Variants in CHRNA7 observed in about 807,000 individuals in gnomAD.
The protein encoded by CHRNA7 is neuronal acetylcholine receptor subunit alpha-7.
A neutral mutation model predicts 48.0 loss-of-function variants in CHRNA7; 17 were observed. The observed-to-expected ratio is 0.35, with a 90% CI of 0.24 to 0.53. The LOEUF is 0.53. Among genes scored for constraint, CHRNA7 ranks in the 20% least tolerant of loss-of-function variants. The pLI is 0.92. For missense variants in CHRNA7, 155 were observed against 577.7 expected, an observed-to-expected ratio of 0.27 and a Z score of 7.50; for synonymous variants, 75 against 242.3, an observed-to-expected ratio of 0.31 and a Z score of 6.41.
At chr15:32,037,054 T>C (rs957938659) in intron 2 of CHRNA7, among the ~76,000 whole-genome samples, 13 of 152,218 alleles carry the variant, frequency 8.5e-5, no homozygotes, top group African/African-American at 3.1e-4. Flanking sequence ...AGGAGTTTTA[T>C]AGTTTTGCAC....
At chr15:32,077,855 T>G (rs1346130573) in intron 2 of CHRNA7, among the ~76,000 whole-genome samples, 1 of 152,126 alleles carries the variant, frequency 6.6e-6, no homozygotes, top group Admixed American at 6.5e-5. Context: ...CAGGCTCTTT[T>G]TAACAACTAG....
intron 3 of CHRNA7, among the ~76,000 whole-genome samples, chr15:32,106,190 A>AG (rs1322790242): frequency 6.6e-6 from 1 of 151,224 alleles, no homozygotes; most frequent in Non-Finnish European, 1.5e-5. Flanking sequence ...CAGGGTTCTG[A>AG]GGGGGGTGCA....
chr15:32,115,514 A>G (rs1206007181), intron 4 of CHRNA7, among the ~76,000 whole-genome samples: 2 of 151,080 alleles, frequency 1.3e-5, no homozygotes, highest in African/African-American at 4.9e-5. Flanking sequence ...AGCCTCGTCC[A>G]CTCTCCAGCC....
intron 4 of CHRNA7, among the ~76,000 whole-genome samples, chr15:32,122,638 T>C (rs1452170640): frequency 6.6e-6 from 1 of 152,174 alleles, no homozygotes; most frequent in East Asian, 1.9e-4. Flanking sequence ...AAAATGTTTG[T>C]GTATGCTATG....
intron 4 of CHRNA7, among the ~76,000 whole-genome samples, chr15:32,151,396 G>A (rs769116914): frequency 6.6e-6 from 1 of 152,116 alleles, no homozygotes; most frequent in Non-Finnish European, 1.5e-5. Context: ...TTCCAAAGCT[G>A]ACCAAGGAAA....
At position 32,134,162 on chromosome 15, in the gene CHRNA7, G is replaced by GT. The variant is rs1184841111; in HGVS notation, c.351-19733dup. Among the ~76,000 whole-genome samples the GT allele has an allele frequency of 4.2e-3, 602 of 144,994 alleles. 2 individuals carry two copies. The highest frequency in any genetic ancestry group is 0.014 in the Middle Eastern group (4 of 278). On this transcript the variant is annotated intron_variant, in intron 4 of 9. Transcript: ENST00000306901. ...TGACTACATGTGGGTTTTTTTGTGT[G>GT]TTTTTTTTTTTTCTGAGACTGAGTC...
intron 2 of CHRNA7, among the ~76,000 whole-genome samples, chr15:32,087,016 G>C (rs1305727963): frequency 1.3e-5 from 2 of 152,036 alleles, no homozygotes; most frequent in African/African-American, 4.8e-5. Flanking sequence ...AAGTCACTAT[G>C]CACAGCCCAG....
chr15:32,125,465 G>A (rs1467699761), intron 4 of CHRNA7, among the ~76,000 whole-genome samples: 4 of 152,204 alleles, frequency 2.6e-5, no homozygotes, highest in Non-Finnish European at 5.9e-5. Context: ...TACTGCCTGG[G>A]GTCCCAGAGT....
rs1452083350 is a variant in CHRNA7 at position 32,149,494 on chromosome 15, T to C, written c.351-4413T>C. Among the ~76,000 whole-genome samples, 1 of 152,218 alleles carries C rather than the reference T, an allele frequency of 6.6e-6. No individual in the cohort carries two copies. The highest frequency in any genetic ancestry group is 2.4e-5 in the African/African-American group (1 of 41,460). On this transcript the variant is annotated intron_variant, in intron 4 of 9. Transcript: ENST00000306901. The surrounding 1 kb of genome is among the most constrained non-coding windows in gnomAD (Gnocchi z 4.6). ...AAACTCAGTTTTCAGCAACAGGGCC[T>C]TTCTTCAAACTCATCTTATCTCCAC...
At chr15:32,068,920 G>T (rs2050010179) in intron 2 of CHRNA7, among the ~76,000 whole-genome samples, 1 of 152,166 alleles carries the variant, frequency 6.6e-6, no homozygotes, top group East Asian at 1.9e-4. Flanking sequence ...TGAAGACTTC[G>T]GTACCCCTCT....
intron 2 of CHRNA7, among the ~76,000 whole-genome samples, chr15:32,079,251 A>G (rs1355779468): frequency 6.6e-6 from 1 of 152,168 alleles, no homozygotes; most frequent in African/African-American, 2.4e-5. Flanking sequence ...CAAGACAAGA[A>G]TGCCCTCTCC....
At chr15:32,148,325 C>T (rs1356923198) in intron 4 of CHRNA7, among the ~76,000 whole-genome samples, 3 of 152,086 alleles carry the variant, frequency 2.0e-5, no homozygotes, top group Non-Finnish European at 4.4e-5. Flanking sequence ...GGCTTTTTCT[C>T]TCAAGGTTAT....
rs2049943593 is a variant in CHRNA7, at chr15:32,065,143, A to G, written c.195+34106A>G. ...TGGGGAGCATTTATTTTTTATAAAA[A>G]TAGGCCGAATCTTGGTAAGAACAGT... On this transcript the variant is annotated intron_variant, in intron 2 of 9. Transcript: ENST00000306901. 2.0e-5 allele frequency among the ~76,000 whole-genome samples: 3 copies of G among 152,328 alleles called. No individual in the cohort carries two copies. The South Asian group carries it at 6.2e-4, about 32-fold the overall frequency.
intron 1 of CHRNA7, 29 bp from the exon 2 acceptor site, chr15:32,030,869 G>T (rs185161894): frequency 1.2e-6 from 2 of 1,610,126 alleles, no homozygotes; most frequent in Non-Finnish European, 1.7e-6. Context: ...CCTGCCCTGA[G>T]CCCCCTGCCC....
At position 32,148,756 on chromosome 15, in the gene CHRNA7, G is replaced by A. The variant is rs527523275; in HGVS notation, c.351-5151G>A. On this transcript the variant is annotated intron_variant, in intron 4 of 9. Transcript: ENST00000306901. ...GCCCTCTTTCAGCCTCACTGCTTAG[G>A]GCAACATGGTGTAAGCAAACACCAT... is the stretch of plus-strand genomic sequence containing the variant. Among the ~76,000 whole-genome samples the A allele has an allele frequency of 3.3e-5, 5 of 152,300 alleles. No individual in the cohort carries two copies. In the East Asian group the frequency reaches 9.6e-4, roughly 29 times the overall value.
chr15:32,062,179 T>TGAACAATGG (rs1251119554), intron 2 of CHRNA7, among the ~76,000 whole-genome samples: 1 of 152,198 alleles, frequency 6.6e-6, no homozygotes, highest in Admixed American at 6.5e-5. Flanking sequence ...TTAGTTCTGT[T>TGAACAATGG]GAACAATGGA....
At chr15:32,068,594 G>A (rs576984054) in intron 2 of CHRNA7, among the ~76,000 whole-genome samples, 2 of 151,968 alleles carry the variant, frequency 1.3e-5, no homozygotes, top group African/African-American at 4.8e-5. Flanking sequence ...ATGGTGGTGG[G>A]CGCCTGTAAT....
At chr15:32,103,609 C>A (rs925525103) in intron 3 of CHRNA7, among the ~76,000 whole-genome samples, 1 of 152,074 alleles carries the variant, frequency 6.6e-6, no homozygotes, top group South Asian at 2.1e-4. Context: ...CTCTAGCTTC[C>A]CTCCTTTTGC....
chr15:32,110,457 T>C (rs1055126998), intron 3 of CHRNA7, among the ~76,000 whole-genome samples: 1 of 152,228 alleles, frequency 6.6e-6, no homozygotes, highest in Non-Finnish European at 1.5e-5. Context: ...TCCTCATTCC[T>C]GGAGGTCCCT....
Sources: gnomAD v4.1 joint callset for allele counts (sites outside exome capture counted in the v4.1 genomes callset) on GRCh38, gnomAD v4.1.1 for gene constraint, Gnocchi (gnomAD v3.1) non-coding constraint, MANE v1.5 for transcripts, NCBI Gene and HGNC (gene_info 2026-07-23, HGNC 2026-07-21) for gene names.